Variants in CSMD1 observed in about 807,000 individuals in gnomAD.
CSMD1 encodes CUB and Sushi multiple domains 1, also known as CUB and sushi domain-containing protein 1.
CSMD1 carries 213 observed loss-of-function variants against 417.5 expected under a neutral mutation model. That is an observed-to-expected ratio of 0.51 (90% confidence interval 0.46 to 0.57). The LOEUF (loss-of-function observed/expected upper bound fraction) is 0.57, where lower values mean the gene tolerates loss of function less well. CSMD1 is among the 20% of genes least tolerant of loss of function. CSMD1 has a pLI of 0.00. For synonymous variants in CSMD1, 2,862 were observed against 1,736.8 expected (o/e 1.65, Z -16.11); for missense variants, 6,923 against 4,529.7 (o/e 1.53, Z -15.17).
chr8:4,816,748 C>G (rs1799229348), intron 1 of CSMD1, among the ~76,000 whole-genome samples: 1 of 152,088 alleles, frequency 6.6e-6, no homozygotes, highest in Admixed American at 6.5e-5. Context: ...GAGGCTGTTG[C>G]AGGACTCATC....
chr8:4,682,766 A>C (rs1001117310), intron 1 of CSMD1, among the ~76,000 whole-genome samples: 1 of 151,432 alleles, frequency 6.6e-6, no homozygotes, highest in Non-Finnish European at 1.5e-5. Flanking sequence ...AATAGTTTAA[A>C]TCCTTCAGTA....
chr8:3,534,006 T>C (rs1378825833), intron 10 of CSMD1, among the ~76,000 whole-genome samples: 2 of 152,192 alleles, frequency 1.3e-5, no homozygotes, highest in African/African-American at 4.8e-5. Context: ...TTAAATCTAC[T>C]TTTGCGGAAG....
intron 6 of CSMD1, among the ~76,000 whole-genome samples, chr8:3,731,561 G>A (rs148691696): frequency 1.8e-3 from 278 of 152,198 alleles, no homozygotes; most frequent in African/African-American, 2.9e-3. Context: ...GATTCCACCC[G>A]TGAAGAATCT....
chr8:2,999,927 C>A (rs995514431), intron 53 of CSMD1, 31 bp downstream of exon 53: 1 of 1,571,804 alleles, frequency 6.4e-7, no homozygotes, highest in Non-Finnish European at 8.7e-7. Context: ...AAGGAAGCAT[C>A]GATGAATTCG....
chr8:4,276,078 C>G (rs1796469688), intron 3 of CSMD1, among the ~76,000 whole-genome samples: 1 of 152,116 alleles, frequency 6.6e-6, no homozygotes, highest in African/African-American at 2.4e-5. Context: ...CCTTAAGGAT[C>G]TAGAACTTGA....
intron 1 of CSMD1, among the ~76,000 whole-genome samples, chr8:4,972,618 CA>C (rs1408823484): frequency 1.3e-5 from 2 of 152,074 alleles, no homozygotes; most frequent in Non-Finnish European, 2.9e-5. Flanking sequence ...TTCTTTATAG[CA>C]GTATGAAAAT....
chr8:3,307,897 A>AAAGCCATT, intron 24 of CSMD1, 76 bp from the exon 25 acceptor site: 1 of 1,521,952 alleles, frequency 6.6e-7, no homozygotes, highest in East Asian at 2.3e-5. Context: ...TTTCAAAACC[A>AAAGCCATT]AAGCCATTAT....
At chr8:3,960,704 A>G (rs571570839) in intron 5 of CSMD1, among the ~76,000 whole-genome samples, 144 of 152,012 alleles carry the variant, frequency 9.5e-4, no homozygotes, top group African/African-American at 2.9e-3. Context: ...TTAATAAGAT[A>G]TATTTCTTTT....
chr8:3,536,082 C>G lies in CSMD1; in HGVS notation c.1344+38863G>C, dbSNP rs543778100. On this transcript the variant is annotated intron_variant, in intron 10 of 69. Transcript: ENST00000635120. The stretch of plus-strand genomic sequence containing the variant: ...CTGGCCATACACAAGTAGAGATGTC[C>G]CCAAGTAGCTGATAAATATTATCAT... Among the ~76,000 whole-genome samples the G allele has an allele frequency of 4.6e-5, 7 of 152,270 alleles. No homozygotes were observed. In the East Asian group the frequency reaches 1.4e-3, roughly 29 times the overall value.
chr8:4,308,145 C>T (rs935131658), intron 3 of CSMD1, among the ~76,000 whole-genome samples: 1 of 152,168 alleles, frequency 6.6e-6, no homozygotes, highest in Non-Finnish European at 1.5e-5. Context: ...CTTAGAGAAA[C>T]AAGAGCGTTT....
intron 10 of CSMD1, among the ~76,000 whole-genome samples, chr8:3,559,214 C>G (rs1159015111): frequency 2.0e-5 from 3 of 152,182 alleles, no homozygotes; most frequent in African/African-American, 7.2e-5. Context: ...ATCAATATTT[C>G]AAATGTGCAA....
intron 3 of CSMD1, among the ~76,000 whole-genome samples, chr8:4,194,364 T>A (rs1268717268): frequency 5.3e-5 from 8 of 152,204 alleles, no homozygotes; most frequent in African/African-American, 1.9e-4. Flanking sequence ...TTTGCCATGT[T>A]GATATTGCTC....
chr8:3,531,104 G>A (rs1344122847), intron 10 of CSMD1, among the ~76,000 whole-genome samples: 1 of 150,922 alleles, frequency 6.6e-6, no homozygotes, highest in Non-Finnish European at 1.5e-5. Context: ...CAGGTGACCT[G>A]CCCACCTAGG....
chr8:3,666,290 T>C (rs903754940), intron 7 of CSMD1, among the ~76,000 whole-genome samples: 8 of 152,202 alleles, frequency 5.3e-5, no homozygotes, highest in African/African-American at 1.9e-4. Context: ...AGTCTATAGA[T>C]TGTGAGAACC....
chr8:3,727,969 C>T (rs748156022), intron 6 of CSMD1, among the ~76,000 whole-genome samples: 1 of 152,078 alleles, frequency 6.6e-6, no homozygotes. Flanking sequence ...TTAATGGGTG[C>T]AGACTTTCAG....
intron 2 of CSMD1, among the ~76,000 whole-genome samples, chr8:4,506,426 G>A (rs1802531085): frequency 6.6e-6 from 1 of 152,068 alleles, no homozygotes; most frequent in Non-Finnish European, 1.5e-5. Context: ...CGCACTTCAG[G>A]CCTAGCCCAG....
intron 7 of CSMD1, among the ~76,000 whole-genome samples, chr8:3,706,912 T>A (rs530740865): frequency 6.6e-6 from 1 of 152,214 alleles, no homozygotes; most frequent in African/African-American, 2.4e-5. Flanking sequence ...AGTTTTCCCA[T>A]CCTTTTCCAA....
chr8:3,760,701 CTTTG>C (rs578043546), intron 5 of CSMD1, among the ~76,000 whole-genome samples: 251 of 152,274 alleles, frequency 1.6e-3, no homozygotes, highest in African/African-American at 5.7e-3. Flanking sequence ...TTGGATATCG[CTTTG>C]TTTGAGTACT....
intron 1 of CSMD1, among the ~76,000 whole-genome samples, chr8:4,697,397 T>A (rs924604659): frequency 6.6e-5 from 10 of 152,148 alleles, no homozygotes; most frequent in African/African-American, 1.2e-4. Flanking sequence ...CTACTTTACA[T>A]GCTAGCAAAT....
Sources: allele counts gnomAD v4.1 joint callset (sites outside exome capture counted in the v4.1 genomes callset), GRCh38; gene constraint gnomAD v4.1.1; transcripts MANE v1.5; gene names NCBI Gene and HGNC (gene_info 2026-07-23, HGNC 2026-07-21).